CYS1: variants seen among roughly 807,000 people sequenced by gnomAD.
CYS1 encodes cystin 1.
In CYS1, 5 loss-of-function variants were observed where a neutral mutation model predicts 9.6. The observed-to-expected ratio is 0.52, with a 90% CI of 0.27 to 1.10. CYS1 has a LOEUF of 1.10. Ranked by LOEUF, CYS1 falls within the 50% of genes least tolerant of loss-of-function variation. The pLI, the probability that CYS1 is intolerant of heterozygous loss-of-function variation, is 0.11. For synonymous variants in CYS1, 88 were observed against 95.7 expected (o/e 0.92, Z 0.47); for missense variants, 221 against 207.9 (o/e 1.06, Z -0.39).
chr2:10,060,341 G>A (rs1015701565), intron 2 of CYS1, among the ~76,000 whole-genome samples: 2 of 152,248 alleles, frequency 1.3e-5, no homozygotes, highest in Non-Finnish European at 2.9e-5. Flanking sequence ...GGACTTAAAT[G>A]TCCCTCTGAC....
intron 1 of CYS1, among the ~76,000 whole-genome samples, chr2:10,070,933 G>A (rs1407124784): frequency 1.3e-5 from 2 of 152,054 alleles, no homozygotes; most frequent in African/African-American, 4.8e-5. Flanking sequence ...GGCATGGTGA[G>A]CCACCACGCC....
At chr2:10,068,395 T>C (rs182560871) in intron 1 of CYS1, among the ~76,000 whole-genome samples, 6 of 152,346 alleles carry the variant, frequency 3.9e-5, no homozygotes, top group East Asian at 1.9e-4. Flanking sequence ...CTTGTCATCA[T>C]TGAAAAATTC....
At chr2:10,065,580 T>G (rs543423976) in intron 2 of CYS1, among the ~76,000 whole-genome samples, 1 of 152,358 alleles carries the variant, frequency 6.6e-6, no homozygotes, top group Admixed American at 6.5e-5. Context: ...TTCCTAGATC[T>G]GGCCACAGCG....
intron 1 of CYS1, among the ~76,000 whole-genome samples, chr2:10,074,720 A>G (rs753736158): frequency 1.3e-5 from 2 of 152,218 alleles, no homozygotes; most frequent in East Asian, 3.8e-4. Flanking sequence ...TCAACCTCTT[A>G]GCTTGGAATC....
chr2:10,066,788 C>T (rs771020424), intron 1 of CYS1, among the ~76,000 whole-genome samples: 1 of 152,040 alleles, frequency 6.6e-6, no homozygotes, highest in Non-Finnish European at 1.5e-5. Flanking sequence ...AAATCAGGGA[C>T]CATCTATACA....
rs116762213 is a variant in CYS1, at chr2:10,059,123, G to T, written c.372-165C>A. On this transcript the variant is annotated intron_variant, in intron 2 of 2. Transcript: ENST00000381813. ...GCTCTCGCCCAGCACATATCCACCA[G>T]CAGGCTTCTACTGCGTCCGCTTCAT... Among the ~76,000 whole-genome samples the T allele has an allele frequency of 8.9e-3, 1,353 of 152,348 alleles. 15 individuals carry two copies. Among genetic ancestry groups the T allele is most frequent in the African/African-American group, 0.032 (1,315 of 41,588 alleles).
intron 1 of CYS1, among the ~76,000 whole-genome samples, chr2:10,078,099 C>G (rs1465125439): frequency 1.9e-5 from 2 of 102,918 alleles, no homozygotes; most frequent in African/African-American, 8.0e-5. Context: ...GAGTGAAACT[C>G]CGTTTCAAAA....
chr2:10,064,223 CA>C (rs1484861020), intron 2 of CYS1, among the ~76,000 whole-genome samples: 2 of 151,114 alleles, frequency 1.3e-5, no homozygotes, highest in East Asian at 3.9e-4. Context: ...AACTCTACCT[CA>C]AAAAAATAAA....
chr2:10,061,654 C>T (rs970761966), intron 2 of CYS1, among the ~76,000 whole-genome samples: 6 of 152,214 alleles, frequency 3.9e-5, no homozygotes, highest in African/African-American at 1.4e-4. Flanking sequence ...GAAAGGAGAG[C>T]AGGGACTGGC....
chr2:10,057,009 T>C lies in CYS1; in HGVS notation c.*1844A>G, dbSNP rs976502834. The C allele has an allele frequency of 3.9e-5, 6 of 152,228 alleles. No homozygotes were observed. Among genetic ancestry groups the C allele is most frequent in the African/African-American group, 1.4e-4 (6 of 41,468 alleles). 9.4% of individuals were successfully genotyped at this position (152,228 alleles called of 1,614,324 possible). The stretch of plus-strand genomic sequence containing the variant: ...CTTGTAACTACTTTTGGAATTTTTT[T>C]CCCCTAACACTTTGATCTCATTAAG... On this transcript the variant is annotated 3_prime_UTR_variant, in exon 3 of 3. Coordinates refer to ENST00000381813, the MANE Select transcript of CYS1 (RefSeq NM_001037160.3).
chr2:10,071,206 G>A (rs917624578), intron 1 of CYS1, among the ~76,000 whole-genome samples: 6 of 151,996 alleles, frequency 3.9e-5, no homozygotes, highest in Non-Finnish European at 7.4e-5. Flanking sequence ...ACCTCAGGCC[G>A]TCCACCGGCC....
chr2:10,075,112 TCA>T (rs771810491), intron 1 of CYS1, among the ~76,000 whole-genome samples: 1 of 80,616 alleles, frequency 1.2e-5, no homozygotes, highest in Non-Finnish European at 2.7e-5. Context: ...AGACTCCATC[TCA>T]AAAAAAAAAA....
intron 1 of CYS1, among the ~76,000 whole-genome samples, chr2:10,071,346 T>C (rs1661765975): frequency 1.3e-5 from 2 of 152,328 alleles, no homozygotes; most frequent in South Asian, 4.1e-4. Context: ...TGCCTGCTGC[T>C]GCCCTTCTGA....
Position 10,080,069 on chromosome 2 carries a change from T to G in CYS1, c.155A>C (p.Glu52Ala), listed in dbSNP as rs1661920031. Residue 52 changes from glutamate (E) to alanine (A), a missense_variant, in exon 1 of 3, where the codon GAG (glutamate) becomes GCG (alanine). Coordinates refer to ENST00000381813, the MANE Select transcript of CYS1 (RefSeq NM_001037160.3). The surrounding 1 kb of genome is among the most constrained non-coding windows in gnomAD (Gnocchi z 6.4). ...GGGGCTGGGGTCGCGGCCGGGCGCC[T>G]CCTCCGCGGCTGCCCCCGGGACCTC... The part of the protein sequence containing the change: ...AAEVPGAAAE[E>A]APGRDPSPVA... 5.8e-6 allele frequency: 6 copies of G among 1,031,494 alleles called. No homozygotes were observed. The highest frequency in any genetic ancestry group is 8.7e-5 in the East Asian group (1 of 11,556). The allele number at this position is 1,031,494 out of a possible 1,614,324, so 63.9% of individuals were successfully genotyped here. A position where few individuals can be genotyped will look rare whatever the true frequency, so the allele number is the denominator to read the frequency against.
At position 10,079,837 on chromosome 2, in the gene CYS1, G is replaced by C. The variant is rs1572463694; in HGVS notation, c.318+69C>G. 1.7e-5 allele frequency: 17 copies of C among 981,098 alleles called. No individual in the cohort carries two copies. In the South Asian group the frequency reaches 5.3e-4, roughly 31 times the overall value. The allele number at this position is 981,098 out of a possible 1,614,324, so 60.8% of individuals were successfully genotyped here. On this transcript the variant is annotated intron_variant, in intron 1 of 2. Transcript: ENST00000381813. ...GCAGCGCGACCGGCGCCCAGGGCTG[G>C]GGCGGGGACGCGCGGCCGGTGAGTG...
At chr2:10,071,981 A>T (rs1661774118) in intron 1 of CYS1, among the ~76,000 whole-genome samples, 2 of 152,374 alleles carry the variant, frequency 1.3e-5, no homozygotes, top group East Asian at 1.9e-4. Flanking sequence ...AACCACAGCT[A>T]AACAAGAAGC....
chr2:10,071,518 G>A (rs1661768295), intron 1 of CYS1, among the ~76,000 whole-genome samples: 1 of 152,258 alleles, frequency 6.6e-6, no homozygotes. Context: ...GCAGGAGGAA[G>A]CAATTTCCCC....
chr2:10,065,784 G>T, intron 2 of CYS1, 120 bp downstream of exon 2: 1 of 936,674 alleles, frequency 1.1e-6, no homozygotes, highest in Non-Finnish European at 1.7e-6. Context: ...AGAGGGAGCT[G>T]CCTCTGGAAA....
chr2:10,064,450 C>T (rs1179671834), intron 2 of CYS1, among the ~76,000 whole-genome samples: 6 of 152,054 alleles, frequency 3.9e-5, no homozygotes, highest in Admixed American at 3.3e-4. Context: ...GGCAGAGCTG[C>T]GTGGGCATCA....
Sources: gnomAD v4.1 joint callset for allele counts (sites outside exome capture counted in the v4.1 genomes callset) on GRCh38, gnomAD v4.1.1 for gene constraint, Gnocchi (gnomAD v3.1) non-coding constraint, MANE v1.5 for transcripts, NCBI Gene and HGNC (gene_info 2026-07-23, HGNC 2026-07-21) for gene names.